Variants in PCDHGA10 observed in about 807,000 individuals in gnomAD.
The protein encoded by PCDHGA10 is protocadherin gamma subfamily A, 10, also known as protocadherin gamma-A10.
Under a neutral mutation model 59.5 loss-of-function variants are expected in PCDHGA10, and 42 were observed. The ratio of observed to expected loss-of-function variants is 0.71; its 90% CI spans 0.55 to 0.91. The LOEUF (loss-of-function observed/expected upper bound fraction) is 0.91. Among genes scored for constraint, PCDHGA10 ranks in the 40% least tolerant of loss-of-function variants. The probability of loss-of-function intolerance (pLI) is 0.00; values close to 1 mark genes in which losing one functional copy is unlikely to be tolerated. For missense variants in PCDHGA10, 1,111 were observed against 1,198.2 expected (o/e 0.93, Z 1.07); for synonymous variants, 511 against 517.2 (o/e 0.99, Z 0.16).
At position 141,491,117 on chromosome 5, in the gene PCDHGA10, G is replaced by A; in HGVS notation, c.2437-3690G>A. ...CTGTTCCTCGTGTCTACACACACTGGTGAGGTGCGCACAGCCCGGGCCTTA... is the reference window on the plus strand; with the variant it reads ...CTGTTCCTCGTGTCTACACACACTGATGAGGTGCGCACAGCCCGGGCCTTA... On this transcript the variant is annotated intron_variant, in intron 1 of 3. Coordinates refer to ENST00000398610, the MANE Select transcript of PCDHGA10 (RefSeq NM_018913.3). The surrounding 1 kb of genome is among the most constrained non-coding windows in gnomAD (Gnocchi z 6.9). 1 of 1,614,196 alleles carries A rather than the reference G, an allele frequency of 6.2e-7. No homozygotes were observed.
At chr5:141,468,871 T>TAAG (rs796694379) in intron 1 of PCDHGA10, among the ~76,000 whole-genome samples, 1 of 148,338 alleles carries the variant, frequency 6.7e-6, no homozygotes, top group African/African-American at 2.5e-5. Flanking sequence ...ATCTCAAAAA[T>TAAG]AATAATAATA....
chr5:141,428,658 T>C (rs932328483), intron 1 of PCDHGA10: 1 of 165,620 alleles, frequency 6.0e-6, no homozygotes, highest in Non-Finnish European at 1.3e-5. Context: ...TGAGTTCCAA[T>C]GAATGTCTTT....
At chr5:141,456,777 A>G (rs572940615) in intron 1 of PCDHGA10, among the ~76,000 whole-genome samples, 2 of 152,214 alleles carry the variant, frequency 1.3e-5, no homozygotes, top group Admixed American at 6.5e-5. Flanking sequence ...AGCCTGGCCT[A>G]CATGGCAAAA....
intron 1 of PCDHGA10, among the ~76,000 whole-genome samples, chr5:141,456,625 C>T (rs544550965): frequency 4.6e-5 from 7 of 152,288 alleles, no homozygotes; most frequent in African/African-American, 1.4e-4. Flanking sequence ...AGATTTGCCT[C>T]TTCTTTACTA....
intron 3 of PCDHGA10, 87 bp from the exon 4 acceptor site, chr5:141,510,854 TGTATAG>T: frequency 6.2e-7 from 1 of 1,602,320 alleles, no homozygotes; most frequent in Non-Finnish European, 8.5e-7. Flanking sequence ...CCCAGGGTGC[TGTATAG>T]GCATTCATTA....
rs1205353926 is a variant in PCDHGA10 at position 141,477,969 on chromosome 5, T to A, written c.2437-16838T>A. 6.2e-7 allele frequency: 1 copy of A among 1,613,962 alleles called. No homozygotes were observed. Among genetic ancestry groups the A allele is most frequent in the Non-Finnish European group, 8.5e-7 (1 of 1,180,032 alleles). ...CTCTTGGGATCCCCTAACCAGAGCC[T>A]TTTTGCCATAGGGCTGCACACTGGT... On this transcript the variant is annotated intron_variant, in intron 1 of 3. Coordinates refer to ENST00000398610, the MANE Select transcript of PCDHGA10 (RefSeq NM_018913.3). The surrounding 1 kb of genome is among the most constrained non-coding windows in gnomAD (Gnocchi z 4.9).
intron 1 of PCDHGA10, among the ~76,000 whole-genome samples, chr5:141,435,150 C>G (rs1256233613): frequency 6.6e-6 from 1 of 152,006 alleles, no homozygotes; most frequent in Non-Finnish European, 1.5e-5. Context: ...TTGTGATAAA[C>G]TTTTGTAAAT....
In PCDHGA10 at chr5:141,423,069, G is replaced by A. The variant is rs1364397726; in HGVS notation, c.2436+7458G>A. ...CCTATCGCCTGCTTAAGGCCAGCGA[G>A]CCGGGACTCTTCGCGGTGGGGGAGC... On this transcript the variant is annotated intron_variant, in intron 1 of 3. Transcript: ENST00000398610. 8 of 1,614,034 alleles carry A rather than the reference G, an allele frequency of 5.0e-6. No homozygotes were observed. In the African/African-American group the frequency reaches 1.1e-4, roughly 22 times the overall value.
At chr5:141,422,307 C>T in intron 1 of PCDHGA10, 4 of 1,547,552 alleles carry the variant, frequency 2.6e-6, no homozygotes, top group South Asian at 1.3e-5. Flanking sequence ...TTCTGGAAAA[C>T]TCTCCTCCAG....
At chr5:141,415,818 A>C in intron 1 of PCDHGA10, 11 of 1,325,038 alleles carry the variant, frequency 8.3e-6, no homozygotes, top group Non-Finnish European at 8.7e-6. Flanking sequence ...CCTATATATC[A>C]TAAGGCTTTG....
At chr5:141,505,245 A>G (rs530515894) in intron 2 of PCDHGA10, 148 bp from the exon 3 acceptor site, 294 of 1,430,832 alleles carry the variant, frequency 2.1e-4, no homozygotes, top group Admixed American at 1.8e-3. Flanking sequence ...GAAGGATTGT[A>G]GAAGTGCCTC....
At chr5:141,460,883 C>T (rs371847673) in intron 1 of PCDHGA10, among the ~76,000 whole-genome samples, 2 of 149,996 alleles carry the variant, frequency 1.3e-5, no homozygotes, top group East Asian at 2.0e-4. Context: ...TATTTCATGC[C>T]TTTTCGTGGC....
intron 2 of PCDHGA10, among the ~76,000 whole-genome samples, chr5:141,504,999 T>C (rs1278633184): frequency 6.6e-6 from 1 of 152,000 alleles, no homozygotes; most frequent in African/African-American, 2.4e-5. Context: ...CCGTCTGTAC[T>C]AAAAATACAA....
rs1161188105 is a variant in PCDHGA10, at chr5:141,427,974, G to A, written c.2436+12363G>A. 9 of 1,594,458 alleles carry A rather than the reference G, an allele frequency of 5.6e-6. No individual in the cohort carries two copies. In the Admixed American group the frequency reaches 1.5e-4, roughly 27 times the overall value. ...CAATGTGCCGCGGGTGCTGTACCCC[G>A]CGCTGGGGCCCGATGGCTCCGCACT... On this transcript the variant is annotated intron_variant, in intron 1 of 3. Transcript: ENST00000398610.
In PCDHGA10 at chr5:141,439,058, TGGCA is replaced by T. The variant is rs1241503235; in HGVS notation, c.2436+23451_2436+23454del. On this transcript the variant is annotated intron_variant, in intron 1 of 3. Transcript: ENST00000398610. ...CAGTTCATAAGATTTCCATATTGTG[TGGCA>T]GGCGCCTGTAATCCCAGCTACTCAG... 2.0e-5 allele frequency among the ~76,000 whole-genome samples: 3 copies of T among 151,580 alleles called. No individual in the cohort carries two copies. The East Asian group carries it at 5.9e-4, about 30-fold the overall frequency.
intron 2 of PCDHGA10, among the ~76,000 whole-genome samples, chr5:141,504,490 TGC>T (rs2099838709): frequency 6.6e-6 from 1 of 152,056 alleles, no homozygotes; most frequent in Non-Finnish European, 1.5e-5. Flanking sequence ...TGGAGGCACC[TGC>T]CCAGTCTGAG....
rs115982940 is a variant in PCDHGA10, at chr5:141,457,996, G to A, written c.2437-36811G>A. On this transcript the variant is annotated intron_variant, in intron 1 of 3. Transcript: ENST00000398610. ...AACACACCCTTTCAGTTAAAGCCTTGGCAAAATAACCGGTTTTTCCAATTG... is the reference window on the plus strand; with the variant it reads ...AACACACCCTTTCAGTTAAAGCCTTAGCAAAATAACCGGTTTTTCCAATTG... Among the ~76,000 whole-genome samples the A allele has an allele frequency of 2.4e-3, 372 of 152,212 alleles. 2 individuals carry two copies. Among genetic ancestry groups the A allele is most frequent in the African/African-American group, 8.4e-3 (347 of 41,522 alleles).
intron 1 of PCDHGA10, chr5:141,418,133 C>T (rs758498780): frequency 2.5e-6 from 4 of 1,613,924 alleles, no homozygotes; most frequent in Non-Finnish European, 3.4e-6. Flanking sequence ...CCGAATAGAC[C>T]GTGAGCAAAT....
rs1462369810 is a variant in PCDHGA10, at chr5:141,414,156, T to TCTC, written c.981_982insCTC (p.Asp327_Gly328insLeu). On this transcript the variant is annotated inframe_insertion, in exon 1 of 4. Transcript: ENST00000398610. ...ATGAAATAGAAATACAAGCAGAAGA[T>TCTC]GGAGGAGCATATCTTGCAACTGCAA... is the stretch of plus-strand genomic sequence containing the variant. The TCTC allele has an allele frequency of 6.2e-7, 1 of 1,601,848 alleles. No individual in the cohort carries two copies. The highest frequency in any genetic ancestry group is 1.7e-5 in the Admixed American group (1 of 57,668).
Sources: gnomAD v4.1 joint callset for allele counts (sites outside exome capture counted in the v4.1 genomes callset) on GRCh38, gnomAD v4.1.1 for gene constraint, Gnocchi (gnomAD v3.1) non-coding constraint, MANE v1.5 for transcripts, NCBI Gene and HGNC (gene_info 2026-07-23, HGNC 2026-07-21) for gene names.